KANSL1L: variants seen among roughly 807,000 people sequenced by gnomAD.
The protein encoded by KANSL1L is KAT8 regulatory NSL complex subunit 1 like.
In KANSL1L, 25 loss-of-function variants were observed where a neutral mutation model predicts 108.6. The ratio of observed to expected loss-of-function variants is 0.23; its 90% CI spans 0.17 to 0.32. KANSL1L has a LOEUF of 0.32. Ranked by LOEUF, KANSL1L falls within the 10% of genes least tolerant of loss-of-function variation. The probability of loss-of-function intolerance (pLI) is 1.00; values close to 1 mark genes in which losing one functional copy is unlikely to be tolerated. For synonymous variants in KANSL1L, 405 were observed against 395.1 expected, an observed-to-expected ratio of 1.03 and a Z score of -0.30; for missense variants, 1,137 against 1,125.7, an observed-to-expected ratio of 1.01 and a Z score of -0.14.
intron 2 of KANSL1L, among the ~76,000 whole-genome samples, chr2:210,137,474 T>C (rs1215372273): frequency 6.6e-6 from 1 of 152,178 alleles, no homozygotes; most frequent in East Asian, 1.9e-4. Context: ...TTCCCCTAAA[T>C]GCCAAATACG....
chr2:210,084,418 G>A (rs979055544), intron 5 of KANSL1L, among the ~76,000 whole-genome samples: 3 of 152,002 alleles, frequency 2.0e-5, no homozygotes, highest in Non-Finnish European at 2.9e-5. Context: ...GCGAGACTCC[G>A]TCTTAGAAAG....
chr2:210,060,529 A>C (rs901310896), intron 6 of KANSL1L, among the ~76,000 whole-genome samples: 1 of 152,212 alleles, frequency 6.6e-6, no homozygotes, highest in African/African-American at 2.4e-5. Flanking sequence ...ATAGTTTCCC[A>C]CCCAACATTC....
chr2:210,033,171 G>A (rs887017857), intron 8 of KANSL1L, among the ~76,000 whole-genome samples: 4 of 152,160 alleles, frequency 2.6e-5, no homozygotes, highest in Non-Finnish European at 5.9e-5. Flanking sequence ...TAGCTGAAGT[G>A]TTTTCCAGAA....
In KANSL1L at chr2:210,154,919, A is replaced by C. The variant is rs1277680047; in HGVS notation, c.-29-308T>G. 2.6e-5 allele frequency among the ~76,000 whole-genome samples: 4 copies of C among 152,070 alleles called. No homozygotes were observed. In the East Asian group the frequency reaches 5.8e-4, roughly 22 times the overall value. On this transcript the variant is annotated intron_variant, in intron 1 of 14. Coordinates refer to ENST00000281772, the MANE Select transcript of KANSL1L (RefSeq NM_152519.4). ...TTGACAACATTTAATTACAGTCAAA[A>C]GAAAAAAAAAAATCCAGCCTATAAT...
At chr2:210,034,502 G>A (rs1049328256) in intron 8 of KANSL1L, among the ~76,000 whole-genome samples, 4 of 152,182 alleles carry the variant, frequency 2.6e-5, no homozygotes, top group African/African-American at 7.2e-5. Flanking sequence ...TATGTAGATA[G>A]GGCTTTAAGG....
At chr2:210,031,195 G>C (rs939086134) in intron 9 of KANSL1L, 1 of 397,854 alleles carries the variant, frequency 2.5e-6, no homozygotes, top group Non-Finnish European at 4.5e-6. Context: ...AACTAGTCAG[G>C]GAACATAGGA....
intron 2 of KANSL1L, 94 bp from the exon 3 acceptor site, chr2:210,129,266 C>G: frequency 1.9e-6 from 2 of 1,068,116 alleles, no homozygotes; most frequent in Non-Finnish European, 2.6e-6. Context: ...ATCATAAAAG[C>G]AAATTTCCTT....
chr2:210,172,218 G>T (rs1688376768), upstream of KANSL1L, among the ~76,000 whole-genome samples: 1 of 152,128 alleles, frequency 6.6e-6, no homozygotes. Flanking sequence ...CCCCAGCCAA[G>T]AACTCGATTT....
At chr2:210,138,455 T>G (rs560831781) in intron 2 of KANSL1L, among the ~76,000 whole-genome samples, 1 of 152,120 alleles carries the variant, frequency 6.6e-6, no homozygotes, top group South Asian at 2.1e-4. Context: ...ATACATACCC[T>G]GTAAATCTAA....
chr2:210,071,443 T>C (rs1380379189), intron 6 of KANSL1L, among the ~76,000 whole-genome samples: 1 of 151,716 alleles, frequency 6.6e-6, no homozygotes, highest in African/African-American at 2.4e-5. Context: ...AATTTTTGTA[T>C]TTTTTAGTAG....
chr2:210,036,691 A>G (rs1164803612), intron 8 of KANSL1L, among the ~76,000 whole-genome samples: 1 of 152,250 alleles, frequency 6.6e-6, no homozygotes, highest in East Asian at 1.9e-4. Context: ...ACAGATATAT[A>G]GGATGAAATT....
At chr2:210,143,596 G>A (rs1381580694) in intron 2 of KANSL1L, among the ~76,000 whole-genome samples, 2 of 151,952 alleles carry the variant, frequency 1.3e-5, no homozygotes, top group African/African-American at 2.4e-5. Flanking sequence ...TTATATGCCT[G>A]GATTCCTTTC....
intron 11 of KANSL1L, among the ~76,000 whole-genome samples, chr2:210,028,031 T>C (rs1183459124): frequency 6.6e-6 from 1 of 152,176 alleles, no homozygotes; most frequent in Non-Finnish European, 1.5e-5. Flanking sequence ...TTTGCAGCCT[T>C]TTCTGTCTCT....
At chr2:210,135,979 C>T (rs932791840) in intron 2 of KANSL1L, among the ~76,000 whole-genome samples, 1 of 151,882 alleles carries the variant, frequency 6.6e-6, no homozygotes, top group African/African-American at 2.4e-5. Flanking sequence ...ATGAAGTAAA[C>T]AACAAACAAA....
intron 3 of KANSL1L, among the ~76,000 whole-genome samples, chr2:210,112,675 A>G (rs930717573): frequency 3.3e-5 from 5 of 152,184 alleles, no homozygotes; most frequent in Non-Finnish European, 5.9e-5. Context: ...ATATATAATG[A>G]TATTTCAATA....
intron 6 of KANSL1L, among the ~76,000 whole-genome samples, chr2:210,066,730 G>A (rs1012840049): frequency 2.6e-5 from 4 of 152,162 alleles, no homozygotes; most frequent in Non-Finnish European, 5.9e-5. Context: ...CATCTTTGTT[G>A]TTTTATCAGT....
intron 5 of KANSL1L, among the ~76,000 whole-genome samples, chr2:210,076,819 C>T (rs1294615905): frequency 6.6e-6 from 1 of 151,770 alleles, no homozygotes; most frequent in Non-Finnish European, 1.5e-5. Context: ...TTTTCAGGCC[C>T]TACAAGGTAC....
chr2:210,141,888 A>G (rs1275343876), intron 2 of KANSL1L, among the ~76,000 whole-genome samples: 1 of 152,172 alleles, frequency 6.6e-6, no homozygotes, highest in Non-Finnish European at 1.5e-5. Context: ...CTTGCATCCC[A>G]GGGATAAATT....
At chr2:210,093,144 T>C (rs570784575) in intron 5 of KANSL1L, among the ~76,000 whole-genome samples, 3 of 152,166 alleles carry the variant, frequency 2.0e-5, no homozygotes, top group East Asian at 1.9e-4. Flanking sequence ...ATTTTTGCTG[T>C]TGTTGTTGTT....
Sources: allele counts gnomAD v4.1 joint callset (sites outside exome capture counted in the v4.1 genomes callset), GRCh38; gene constraint gnomAD v4.1.1; transcripts MANE v1.5; gene names NCBI Gene and HGNC (gene_info 2026-07-23, HGNC 2026-07-21).